ULK4: variants seen among roughly 807,000 people sequenced by gnomAD.
The protein encoded by ULK4 is unc-51 like kinase 4, also known as inactive serine/threonine-protein kinase ULK4.
In ULK4, 133 loss-of-function variants were observed where a neutral mutation model predicts 160.6. The observed-to-expected ratio is 0.83, with a 90% CI of 0.72 to 0.96. The LOEUF (loss-of-function observed/expected upper bound fraction) is 0.96, where lower values mean the gene tolerates loss of function less well. Among genes scored for constraint, ULK4 ranks in the 40% least tolerant of loss-of-function variants. ULK4 has a pLI of 0.00. For synonymous variants in ULK4, 534 were observed against 539.8 expected (o/e 0.99, Z 0.15); for missense variants, 1,580 against 1,499.5 (o/e 1.05, Z -0.89).
At chr3:41,677,736 A>T (rs2035776201) in intron 29 of ULK4, among the ~76,000 whole-genome samples, 1 of 152,148 alleles carries the variant, frequency 6.6e-6, no homozygotes, top group African/African-American at 2.4e-5. Context: ...TCATTGTATT[A>T]TGATAGACGT....
At position 41,777,848 on chromosome 3, in the gene ULK4, T is replaced by C. The variant is rs544278212; in HGVS notation, c.2193+11813A>G. On this transcript the variant is annotated intron_variant, in intron 21 of 36. Coordinates refer to ENST00000301831, the MANE Select transcript of ULK4 (RefSeq NM_017886.4). Reference sequence around the variant, plus strand: ...GAGGAGAGCTTTACTTCCAACTACATGGTCAATTTAAACCCACAGCCAATA... The same window carrying C: ...GAGGAGAGCTTTACTTCCAACTACACGGTCAATTTAAACCCACAGCCAATA... 9.1e-5 allele frequency among the ~76,000 whole-genome samples: 13 copies of C among 142,996 alleles called. 4 individuals are homozygous for C. The highest frequency in any genetic ancestry group is 1.3e-4 in the African/African-American group (5 of 37,896). 93.8% of individuals were successfully genotyped at this position (142,996 alleles called of 152,430 possible).
At chr3:41,690,014 C>T (rs1365997679) in intron 27 of ULK4, among the ~76,000 whole-genome samples, 1 of 148,568 alleles carries the variant, frequency 6.7e-6, no homozygotes, top group Non-Finnish European at 1.5e-5. Flanking sequence ...CGGCACTATT[C>T]ACAATAGCAA....
At position 41,657,818 on chromosome 3, in the gene ULK4, T is replaced by TAAAAAA. The variant is rs60281588; in HGVS notation, c.3071+5783_3071+5788dup. Among the ~76,000 whole-genome samples, 59 of 99,726 alleles carry TAAAAAA rather than the reference T, an allele frequency of 5.9e-4. 5 individuals are homozygous for TAAAAAA. Among genetic ancestry groups the TAAAAAA allele is most frequent in the African/African-American group, 3.9e-3 (58 of 14,978 alleles). The allele number at this position is 99,726 out of a possible 152,430, so 65.4% of individuals were successfully genotyped here. A position where few individuals can be genotyped will look rare whatever the true frequency, so the allele number is the denominator to read the frequency against. ...GTGACAAAGCGAGACTCCATCTCAT[T>TAAAAAA]AAAAAAAAAAAAAAAAACACACACC... On this transcript the variant is annotated intron_variant, in intron 30 of 36. Transcript: ENST00000301831.
At chr3:41,264,074 A>G (rs1051848279) in intron 35 of ULK4, among the ~76,000 whole-genome samples, 1 of 152,240 alleles carries the variant, frequency 6.6e-6, no homozygotes, top group African/African-American at 2.4e-5. Flanking sequence ...GAGGTGACAC[A>G]TAAGCCAAGG....
rs894292104 is a variant in ULK4 at position 41,649,535 on chromosome 3, T to G, written c.3071+14072A>C. On this transcript the variant is annotated intron_variant, in intron 30 of 36. Transcript: ENST00000301831. ...GCCTCCCCCTGCTCCTGGCACCTCCTCCGGTTGTGGCCGAGCCTGGGCACT... is the reference window on the plus strand; with the variant it reads ...GCCTCCCCCTGCTCCTGGCACCTCCGCCGGTTGTGGCCGAGCCTGGGCACT... 3.3e-5 allele frequency among the ~76,000 whole-genome samples: 5 copies of G among 152,102 alleles called. No individual in the cohort carries two copies. In the East Asian group the frequency reaches 9.6e-4, roughly 29 times the overall value.
intron 1 of ULK4, among the ~76,000 whole-genome samples, chr3:41,961,127 G>A (rs1700650226): frequency 6.6e-6 from 1 of 152,150 alleles, no homozygotes; most frequent in Non-Finnish European, 1.5e-5. Context: ...CATCTAAGAA[G>A]CCAGAAGGCA....
At chr3:41,253,530 A>C (rs563261527) in intron 35 of ULK4, among the ~76,000 whole-genome samples, 2 of 152,088 alleles carry the variant, frequency 1.3e-5, no homozygotes, top group Non-Finnish European at 2.9e-5. Context: ...TTAAAAAAAA[A>C]CCCACAACAG....
chr3:41,681,477 C>A, intron 29 of ULK4, 31 bp downstream of exon 29: 1 of 1,612,582 alleles, frequency 6.2e-7, no homozygotes, highest in Non-Finnish European at 8.5e-7. Context: ...GCCTACACTT[C>A]TCTGCATGAA....
Position 41,504,317 on chromosome 3 carries a change from TA to T in ULK4, c.3227-41065del, listed in dbSNP as rs140709086. On this transcript the variant is annotated intron_variant, in intron 32 of 36. Transcript: ENST00000301831. ...TGTCTCCCTCACCTAAAACATAAGA[TA>T]GGGGCCTTTGTTTGTTTTATACATT... Among the ~76,000 whole-genome samples, 62 of 152,254 alleles carry T rather than the reference TA, an allele frequency of 4.1e-4. No individual in the cohort carries two copies. In the East Asian group the frequency reaches 0.011, roughly 27 times the overall value.
rs528325127 is a variant in ULK4, at chr3:41,315,196, G to A, written c.3679-65622C>T. 7.2e-5 allele frequency among the ~76,000 whole-genome samples: 11 copies of A among 152,112 alleles called. No homozygotes were observed. In the South Asian group the frequency reaches 2.3e-3, roughly 32 times the overall value. On this transcript the variant is annotated intron_variant, in intron 35 of 36. Transcript: ENST00000301831. ...ATCTGCTTCTACATTCAATCTGCTG[G>A]GATATATTATTTTGGATGAAGTTCT...
chr3:41,574,045 G>A (rs980678853), intron 31 of ULK4, among the ~76,000 whole-genome samples: 11 of 150,504 alleles, frequency 7.3e-5, no homozygotes, highest in Admixed American at 3.3e-4. Context: ...AGCCAGGAGC[G>A]GTGGCGCATG....
chr3:41,828,533 C>A (rs1288690198), intron 18 of ULK4, among the ~76,000 whole-genome samples: 1 of 135,294 alleles, frequency 7.4e-6, no homozygotes. Flanking sequence ...CATGAGTGAA[C>A]TCCCATTCAC....
intron 17 of ULK4, among the ~76,000 whole-genome samples, chr3:41,844,451 C>T (rs780237130): frequency 7.9e-5 from 12 of 152,170 alleles, no homozygotes; most frequent in African/African-American, 2.7e-4. Flanking sequence ...CAGGGCCAGC[C>T]GGCCTGAGTG....
At chr3:41,866,241 G>A (rs1004054005) in intron 17 of ULK4, among the ~76,000 whole-genome samples, 9 of 152,280 alleles carry the variant, frequency 5.9e-5, no homozygotes, top group Middle Eastern at 3.4e-3. Flanking sequence ...TGCTGTTATC[G>A]TTCATGCTGT....
At position 41,900,707 on chromosome 3, in the gene ULK4, T is replaced by C. The variant is rs1717007; in HGVS notation, c.1287+18A>G. 1,285,332 of 1,593,724 alleles carry C rather than the reference T, an allele frequency of 0.81. 528,340 individuals carry two copies. Among genetic ancestry groups the C allele is most frequent in the East Asian group, 0.85 (38,002 of 44,642 alleles). On this transcript the variant is annotated intron_variant, in intron 13 of 36. Coordinates refer to ENST00000301831, the MANE Select transcript of ULK4 (RefSeq NM_017886.4). ...TCAGTAAAGTCTACAACTCAGTTGT[T>C]AGAGTGTCTTTCTGCACCTTTGGAT...
At chr3:41,657,830 A>AC (rs2125751393) in intron 30 of ULK4, among the ~76,000 whole-genome samples, 1 of 150,734 alleles carries the variant, frequency 6.6e-6, no homozygotes, top group Admixed American at 6.6e-5. Flanking sequence ...AAAAAAAAAA[A>AC]AAAAACACAC....
intron 30 of ULK4, among the ~76,000 whole-genome samples, chr3:41,632,352 GC>G (rs1209540343): frequency 6.6e-6 from 1 of 152,156 alleles, no homozygotes; most frequent in East Asian, 1.9e-4. Flanking sequence ...TAATGAACAT[GC>G]TTACTTCCTA....
intron 35 of ULK4, among the ~76,000 whole-genome samples, chr3:41,344,571 G>C (rs981845839): frequency 6.6e-6 from 1 of 151,930 alleles, no homozygotes; most frequent in African/African-American, 2.4e-5. Context: ...GGCCAAAATG[G>C]TGAAACTGTG....
chr3:41,299,603 G>T (rs777202968), intron 35 of ULK4, among the ~76,000 whole-genome samples: 4 of 152,182 alleles, frequency 2.6e-5, no homozygotes, highest in Admixed American at 1.3e-4. Flanking sequence ...ATTTGTTAAT[G>T]CTGCAATATT....
Sources: gnomAD v4.1 joint callset for allele counts (sites outside exome capture counted in the v4.1 genomes callset) on GRCh38, gnomAD v4.1.1 for gene constraint, MANE v1.5 for transcripts, NCBI Gene and HGNC (gene_info 2026-07-23, HGNC 2026-07-21) for gene names.